NT5DC3: variants seen among roughly 807,000 people sequenced by gnomAD.
NT5DC3 encodes the protein 5'-nucleotidase domain containing 3, also known as 5'-nucleotidase domain-containing protein 3.
Under a neutral mutation model 67.8 loss-of-function variants are expected in NT5DC3, and 42 were observed. The ratio of observed to expected loss-of-function variants is 0.62; its 90% CI spans 0.48 to 0.80. The LOEUF is 0.80. Ranked by LOEUF, NT5DC3 falls within the 30% of genes least tolerant of loss-of-function variation. The pLI is 0.00. For missense variants in NT5DC3, 570 were observed against 696.4 expected (o/e 0.82, Z 2.04); for synonymous variants, 237 against 255.6 (o/e 0.93, Z 0.69).
the NT5DC3 span, among the ~76,000 whole-genome samples, chr12:103,750,895 A>G: frequency 6.6e-6 from 1 of 152,264 alleles, no homozygotes; most frequent in Non-Finnish European, 1.5e-5. Flanking sequence ...GTTGGAGACC[A>G]GCCCGGCCAA....
At chr12:103,821,200 G>A (rs947865833) in intron 1 of NT5DC3, among the ~76,000 whole-genome samples, 1 of 152,238 alleles carries the variant, frequency 6.6e-6, no homozygotes, top group African/African-American at 2.4e-5. Flanking sequence ...GGGTCCCCCA[G>A]TAGACTCTGC....
chr12:103,819,093 A>C (rs1887385450), intron 1 of NT5DC3, among the ~76,000 whole-genome samples: 1 of 152,176 alleles, frequency 6.6e-6, no homozygotes, highest in African/African-American at 2.4e-5. Context: ...AACTACTATG[A>C]TAAAAAATCG....
chr12:103,787,441 C>T lies in NT5DC3; in HGVS notation c.1188G>A (p.Ala396=), dbSNP rs1885839697. The change falls in exon 11 of 14, where the codon GCG becomes GCA. Residue 396 remains alanine, a splice_region_variant and synonymous_variant. Coordinates refer to ENST00000392876, the MANE Select transcript of NT5DC3 (RefSeq NM_001031701.3). ...YFGDHIYSDL[A]DLTLKHGWRT... ...AACAAAGGAAAAAAGGGCCCCTCAC[C>T]GCCAGGTCACTGTATATATGGTCAC... 1.3e-6 allele frequency: 2 copies of T among 1,548,482 alleles called. No individual in the cohort carries two copies. Among genetic ancestry groups the T allele is most frequent in the Non-Finnish European group, 1.7e-6 (2 of 1,143,830 alleles).
intron 6 of NT5DC3, among the ~76,000 whole-genome samples, 174 bp downstream of exon 6, chr12:103,796,720 C>A (rs1886333287): frequency 6.6e-6 from 1 of 152,264 alleles, no homozygotes; most frequent in African/African-American, 2.4e-5. Flanking sequence ...ATTTCCAATT[C>A]TCCTGATGTA....
chr12:103,834,563 A>G (rs1406534744), intron 1 of NT5DC3, among the ~76,000 whole-genome samples: 1 of 152,230 alleles, frequency 6.6e-6, no homozygotes, highest in African/African-American at 2.4e-5. Context: ...AACAATGAAT[A>G]ATGTATCAGT....
intron 4 of NT5DC3, among the ~76,000 whole-genome samples, chr12:103,803,845 A>T (rs1362119754): frequency 7.4e-6 from 1 of 134,550 alleles, no homozygotes; most frequent in Non-Finnish European, 1.6e-5. Context: ...ACTAAAATAG[A>T]TTCATTCATT....
the NT5DC3 span, among the ~76,000 whole-genome samples, chr12:103,747,009 T>G: frequency 8.2e-5 from 12 of 145,818 alleles, no homozygotes; most frequent in African/African-American, 3.1e-4. Context: ...CAGGCTGGAG[T>G]GCAATGGTGC....
At chr12:103,750,654 G>C in the NT5DC3 span, 1 of 1,614,222 alleles carries the variant, frequency 6.2e-7, no homozygotes, top group Non-Finnish European at 8.5e-7. Context: ...GCTGCCCATT[G>C]ACCGCTGCTT....
intron 1 of NT5DC3, among the ~76,000 whole-genome samples, chr12:103,816,005 G>A (rs1887234827): frequency 6.6e-6 from 1 of 151,988 alleles, no homozygotes; most frequent in Admixed American, 6.6e-5. Context: ...TTCTATGTAT[G>A]TATTTTACAT....
At chr12:103,794,457 G>A (rs1886222362) in intron 6 of NT5DC3, among the ~76,000 whole-genome samples, 1 of 152,166 alleles carries the variant, frequency 6.6e-6, no homozygotes. Flanking sequence ...GCCAATTCTG[G>A]TCCATTTTCA....
At chr12:103,765,823 C>T (rs1009694363), downstream of NT5DC3, among the ~76,000 whole-genome samples, 1 of 152,234 alleles carries the variant, frequency 6.6e-6, no homozygotes, top group African/African-American at 2.4e-5. Flanking sequence ...ATTACAGGCG[C>T]GAGCCACCAT....
intron 3 of NT5DC3, 81 bp from the exon 4 acceptor site, chr12:103,806,458 T>TATCC (rs1454097456): frequency 1.0e-6 from 1 of 988,794 alleles, no homozygotes; most frequent in Non-Finnish European, 1.6e-6. Context: ...TGTCATCATA[T>TATCC]ATCCTATCAA....
At position 103,775,674 on chromosome 12, in the gene NT5DC3, A is replaced by C. The variant is rs888273148; in HGVS notation, c.*2155T>G. 6.6e-6 allele frequency: 1 copy of C among 151,770 alleles called. No homozygotes were observed. Among genetic ancestry groups the C allele is most frequent in the African/African-American group, 2.4e-5 (1 of 41,372 alleles). The allele number at this position is 151,770 out of a possible 1,614,324, so 9.4% of individuals were successfully genotyped here. On this transcript the variant is annotated 3_prime_UTR_variant, in exon 14 of 14. Transcript: ENST00000392876. ...TAAACAAAATGCCTACCCTGTTCCA[A>C]AAAAAGAACATACTACTGTGCCTTA... is the stretch of plus-strand genomic sequence containing the variant.
chr12:103,751,793 C>T, the NT5DC3 span, among the ~76,000 whole-genome samples: 1 of 152,318 alleles, frequency 6.6e-6, no homozygotes, highest in Non-Finnish European at 1.5e-5. Flanking sequence ...CAGCTTCTCC[C>T]ATGGGCTTTT....
chr12:103,797,286 A>G (rs569774341), intron 5 of NT5DC3, among the ~76,000 whole-genome samples: 7 of 152,246 alleles, frequency 4.6e-5, no homozygotes, highest in Admixed American at 1.3e-4. Flanking sequence ...CCTGGACAAC[A>G]TCGTGAAACC....
At chr12:103,821,106 AGATAT>A (rs1451847849) in intron 1 of NT5DC3, among the ~76,000 whole-genome samples, 2 of 152,210 alleles carry the variant, frequency 1.3e-5, no homozygotes, top group Non-Finnish European at 2.9e-5. Flanking sequence ...CCTATCATGG[AGATAT>A]GATACAGGCA....
At chr12:103,840,377 G>GCTCAGCTCAGCTCAT (rs1555266142) in intron 1 of NT5DC3, among the ~76,000 whole-genome samples, 1 of 115,308 alleles carries the variant, frequency 8.7e-6, no homozygotes, top group Admixed American at 1.0e-4. Context: ...ACACCGCACA[G>GCTCAGCTCAGCTCAT]CTCATCTCAT....
At chr12:103,766,346 C>T (rs774786073), downstream of NT5DC3, 29 of 1,601,640 alleles carry the variant, frequency 1.8e-5, no homozygotes, top group African/African-American at 1.7e-4. Flanking sequence ...AGGGCCTGGA[C>T]GGGAGATGCC....
At chr12:103,797,833 C>T (rs565733933) in intron 5 of NT5DC3, among the ~76,000 whole-genome samples, 5 of 152,304 alleles carry the variant, frequency 3.3e-5, no homozygotes, top group Non-Finnish European at 4.4e-5. Flanking sequence ...TTCTGATAAA[C>T]CCACTGTAAA....
Sources: allele counts gnomAD v4.1 joint callset (sites outside exome capture counted in the v4.1 genomes callset), GRCh38; gene constraint gnomAD v4.1.1; transcripts MANE v1.5; gene names NCBI Gene and HGNC (gene_info 2026-07-23, HGNC 2026-07-21).